The following RBM33 variants were observed in gnomAD, a reference collection of about 807,000 sequenced individuals.
RBM33 encodes the protein RNA-binding protein 33.
A neutral mutation model predicts 132.6 loss-of-function variants in RBM33; 28 were observed. The ratio of observed to expected loss-of-function variants is 0.21; its 90% CI spans 0.16 to 0.29. The LOEUF is 0.29. Among genes scored for constraint, RBM33 ranks in the 10% least tolerant of loss-of-function variants. The probability of loss-of-function intolerance (pLI) is 1.00; values close to 1 mark genes in which losing one functional copy is unlikely to be tolerated. For synonymous variants in RBM33, 634 were observed against 593.0 expected (o/e 1.07, Z -1.01); for missense variants, 1,291 against 1,518.5 (o/e 0.85, Z 2.49).
intron 1 of RBM33, among the ~76,000 whole-genome samples, chr7:155,660,260 A>G (rs1291929251): frequency 6.6e-6 from 1 of 152,072 alleles, no homozygotes; most frequent in African/African-American, 2.4e-5. Flanking sequence ...TTTTTTGTAG[A>G]GGTAGGATCT....
chr7:155,650,452 G>C (rs1245082044), intron 1 of RBM33, among the ~76,000 whole-genome samples: 1 of 152,154 alleles, frequency 6.6e-6, no homozygotes, highest in African/African-American at 2.4e-5. Flanking sequence ...GCATTCTGGG[G>C]TTCAAAATCT....
intron 15 of RBM33, 63 bp from the exon 16 acceptor site, chr7:155,766,404 C>G: frequency 6.5e-7 from 1 of 1,537,300 alleles, no homozygotes; most frequent in Non-Finnish European, 8.9e-7. Context: ...ACTTTTATAT[C>G]TTAGTGACTA....
chr7:155,698,374 A>G (rs1799859167), intron 5 of RBM33, among the ~76,000 whole-genome samples: 1 of 152,188 alleles, frequency 6.6e-6, no homozygotes, highest in East Asian at 1.9e-4. Context: ...CTCAGGGAAA[A>G]AAAAAAATTA....
intron 9 of RBM33, among the ~76,000 whole-genome samples, chr7:155,727,583 CA>C (rs762159437): frequency 6.6e-6 from 1 of 152,128 alleles, no homozygotes; most frequent in Non-Finnish European, 1.5e-5. Flanking sequence ...ACCTCTGTTT[CA>C]AAAAAGCAAT....
chr7:155,659,167 C>T (rs1798573430), intron 1 of RBM33, among the ~76,000 whole-genome samples: 1 of 152,000 alleles, frequency 6.6e-6, no homozygotes, highest in Non-Finnish European at 1.5e-5. Context: ...TACAGAATAT[C>T]CAGTTTTAAA....
chr7:155,688,788 C>T (rs1308405744), intron 5 of RBM33, among the ~76,000 whole-genome samples: 1 of 152,068 alleles, frequency 6.6e-6, no homozygotes, highest in East Asian at 1.9e-4. Flanking sequence ...TATTAATTTG[C>T]GTATGTTGAA....
intron 2 of RBM33, among the ~76,000 whole-genome samples, chr7:155,669,885 C>T (rs1798899692): frequency 1.3e-5 from 2 of 152,092 alleles, no homozygotes; most frequent in East Asian, 3.9e-4. Context: ...TATGTTGGTG[C>T]GTCCCAATGG....
chr7:155,772,556 A>G (rs1387290213), intron 16 of RBM33, among the ~76,000 whole-genome samples: 2 of 152,240 alleles, frequency 1.3e-5, no homozygotes, highest in South Asian at 2.1e-4. Context: ...ATTGCTGAGA[A>G]TGTATCCAGG....
intron 1 of RBM33, chr7:155,645,271 T>C: frequency 4.2e-6 from 1 of 237,810 alleles, no homozygotes. Context: ...CGAGACAGTG[T>C]CACTTAGGGA....
intron 1 of RBM33, among the ~76,000 whole-genome samples, chr7:155,651,012 G>C (rs1303821084): frequency 6.6e-6 from 1 of 152,076 alleles, no homozygotes; most frequent in Non-Finnish European, 1.5e-5. Flanking sequence ...CAAGTAGCTG[G>C]GATTACAGGC....
rs532356365 is a variant in RBM33, at chr7:155,780,522, G to A, written c.*5481G>A. 2.0e-5 allele frequency: 3 copies of A among 152,412 alleles called. No individual in the cohort carries two copies. The South Asian group carries it at 6.2e-4, about 32-fold the overall frequency. The allele number at this position is 152,412 out of a possible 1,614,324, so 9.4% of individuals were successfully genotyped here. On this transcript the variant is annotated 3_prime_UTR_variant, in exon 18 of 18. Coordinates refer to ENST00000401878, the MANE Select transcript of RBM33 (RefSeq NM_053043.3). The stretch of plus-strand genomic sequence containing the variant: ...GATCACCTCACCATGCCATGCTCTG[G>A]GCTCTCCCTCTCTGTCCATTTCTGT...
chr7:155,721,658 A>T (rs1030820423), intron 9 of RBM33, among the ~76,000 whole-genome samples: 4 of 149,074 alleles, frequency 2.7e-5, no homozygotes, highest in African/African-American at 7.5e-5. Context: ...GAGTTATAAT[A>T]CCTCTAGTTT....
chr7:155,744,752 G>C (rs1801456650), intron 13 of RBM33, among the ~76,000 whole-genome samples: 1 of 151,586 alleles, frequency 6.6e-6, no homozygotes, highest in Admixed American at 6.6e-5. Context: ...ATTCTGATAA[G>C]ATTTTCCAAA....
chr7:155,717,964 T>G (rs951266197), intron 8 of RBM33, among the ~76,000 whole-genome samples: 6 of 152,330 alleles, frequency 3.9e-5, no homozygotes, highest in Admixed American at 2.6e-4. Context: ...CCTTCCTCCC[T>G]TCTCTCTTTC....
intron 9 of RBM33, among the ~76,000 whole-genome samples, chr7:155,722,101 C>T (rs1250078478): frequency 6.6e-6 from 1 of 152,156 alleles, no homozygotes. Context: ...CAGATATGCA[C>T]GTTAGTTCTG....
intron 12 of RBM33, 150 bp from the exon 13 acceptor site, chr7:155,741,669 A>G: frequency 1.4e-6 from 1 of 730,922 alleles, no homozygotes; most frequent in Non-Finnish European, 2.2e-6. Context: ...TGTATGAGAA[A>G]AAAAGTATGA....
chr7:155,661,146 A>ATATATATTTTTTT lies in RBM33; in HGVS notation c.44-4028_44-4027insATATATTTTTTTT, dbSNP rs1421586760. On this transcript the variant is annotated intron_variant, in intron 1 of 17. Coordinates refer to ENST00000401878, the MANE Select transcript of RBM33 (RefSeq NM_053043.3). ...TGTGTGTGTGTATATATATATATAT[A>ATATATATTTTTTT]TTTTTTTTTTTTTGAGACAGAGTCT... 2.6e-4 allele frequency among the ~76,000 whole-genome samples: 21 copies of ATATATATTTTTTT among 81,186 alleles called. No individual in the cohort carries two copies. In the East Asian group the frequency reaches 3.6e-3, roughly 14 times the overall value. 53.3% of individuals were successfully genotyped at this position (81,186 alleles called of 152,430 possible). A position where few individuals can be genotyped will look rare whatever the true frequency, so the allele number is the denominator to read the frequency against.
intron 6 of RBM33, among the ~76,000 whole-genome samples, chr7:155,702,173 T>C (rs1799984617): frequency 1.3e-5 from 2 of 152,236 alleles, no homozygotes; most frequent in Non-Finnish European, 2.9e-5. Context: ...TTAATTACTT[T>C]TTAAAACCAT....
chr7:155,711,209 GCTCCCCCTC>G lies in RBM33; in HGVS notation c.957_965del (p.Pro325_Pro327del). 1 of 1,555,698 alleles carries G rather than the reference GCTCCCCCTC, an allele frequency of 6.4e-7. No homozygotes were observed. Among genetic ancestry groups the G allele is most frequent in the Non-Finnish European group, 8.7e-7 (1 of 1,150,680 alleles). ...AAGGTTAATTCCTCCACAGCCCCAG[GCTCCCCCTC>G]CACCGCCACCGCCGCCTCAGCAGCA... is the stretch of plus-strand genomic sequence containing the variant. On this transcript the variant is annotated inframe_deletion, in exon 8 of 18. Coordinates refer to ENST00000401878, the MANE Select transcript of RBM33 (RefSeq NM_053043.3).
Sources: gnomAD v4.1 joint callset for allele counts (sites outside exome capture counted in the v4.1 genomes callset) on GRCh38, gnomAD v4.1.1 for gene constraint, MANE v1.5 for transcripts, NCBI Gene and HGNC (gene_info 2026-07-23, HGNC 2026-07-21) for gene names.